The following CACNA1C variants were observed in gnomAD, a reference collection of about 807,000 sequenced individuals.
CACNA1C encodes the protein voltage-dependent L-type calcium channel subunit alpha-1C.
In CACNA1C, 30 loss-of-function variants were observed where a neutral mutation model predicts 229.0. The observed-to-expected ratio is 0.13, with a 90% confidence interval of 0.10 to 0.18. The LOEUF (loss-of-function observed/expected upper bound fraction) is 0.18, where lower values mean the gene tolerates loss of function less well. Among genes scored for constraint, CACNA1C ranks in the 10% least tolerant of loss-of-function variants. The pLI is 1.00. For missense variants in CACNA1C, 1,658 were observed against 2,845.0 expected (o/e 0.58, Z 9.49); for synonymous variants, 1,114 against 1,132.5 (o/e 0.98, Z 0.33).
chr12:2,083,833 TA>T (rs1417643788), intron 1 of CACNA1C, among the ~76,000 whole-genome samples: 1 of 152,214 alleles, frequency 6.6e-6, no homozygotes, highest in Non-Finnish European at 1.5e-5. Flanking sequence ...CTTTATATAT[TA>T]AATGCATGTA....
intron 13 of CACNA1C, among the ~76,000 whole-genome samples, chr12:2,580,324 C>T (rs2060052357): frequency 1.3e-5 from 2 of 152,188 alleles, no homozygotes; most frequent in African/African-American, 4.8e-5. Flanking sequence ...AAACTATGAC[C>T]CCTCTGCTTC....
intron 5 of CACNA1C, among the ~76,000 whole-genome samples, chr12:2,464,387 T>C (rs2099536017): frequency 6.6e-6 from 1 of 152,194 alleles, no homozygotes; most frequent in African/African-American, 2.4e-5. Flanking sequence ...AGTCCAGACT[T>C]GATAAGAGAA....
chr12:2,506,235 T>G (rs572037879), intron 8 of CACNA1C, among the ~76,000 whole-genome samples: 29 of 152,314 alleles, frequency 1.9e-4, no homozygotes, highest in South Asian at 1.2e-3. Flanking sequence ...CCTGATTCAT[T>G]GCCTGGAAGG....
intron 1 of CACNA1C, among the ~76,000 whole-genome samples, chr12:2,061,698 C>T (rs2057572659): frequency 6.6e-6 from 1 of 152,182 alleles, no homozygotes; most frequent in East Asian, 1.9e-4. Flanking sequence ...CCACGCTGGC[C>T]TGAAGTCCTT....
At chr12:2,412,264 A>C (rs1021990246) in intron 3 of CACNA1C, among the ~76,000 whole-genome samples, 4 of 152,186 alleles carry the variant, frequency 2.6e-5, no homozygotes, top group Non-Finnish European at 5.9e-5. Flanking sequence ...TCCACAGCAC[A>C]CACCGGAGAG....
At chr12:2,676,824 T>C in intron 39 of CACNA1C, 1 of 260,912 alleles carries the variant, frequency 3.8e-6, no homozygotes, top group Non-Finnish European at 7.4e-6. Flanking sequence ...CATAACTAAT[T>C]TGCACTAAGA....
chr12:2,050,693 C>T (rs2051989144), upstream of CACNA1C, among the ~76,000 whole-genome samples: 1 of 152,162 alleles, frequency 6.6e-6, no homozygotes, highest in Non-Finnish European at 1.5e-5. Context: ...TCTCTTGTAA[C>T]CAACAAAATT....
At position 2,597,841 on chromosome 12, in the gene CACNA1C, G is replaced by A. The variant is rs944156715; in HGVS notation, c.2853+552G>A. Among the ~76,000 whole-genome samples, 4 of 152,180 alleles carry A rather than the reference G, an allele frequency of 2.6e-5. No individual in the cohort carries two copies. Among genetic ancestry groups the A allele is most frequent in the South Asian group, 2.1e-4 (1 of 4,826 alleles). On this transcript the variant is annotated intron_variant, in intron 21 of 46. Transcript: ENST00000399655. This position sits in a 1 kb window ranked among gnomAD's most constrained non-coding sequence, Gnocchi z 4.3. ...ATACATGCCCACATGCACCAGCTCC[G>A]GTTAACTGATACCTGAGCCCACGTA... is the stretch of plus-strand genomic sequence containing the variant.
At position 2,403,348 on chromosome 12, in the gene CACNA1C, C is replaced by G. The variant is rs2098700678; in HGVS notation, c.478-45628C>G. On this transcript the variant is annotated intron_variant, in intron 3 of 46. Coordinates refer to ENST00000399655, the MANE Select transcript of CACNA1C (RefSeq NM_000719.7). This position sits in a 1 kb window ranked among gnomAD's most constrained non-coding sequence, Gnocchi z 4.1. The stretch of plus-strand genomic sequence containing the variant: ...GGACGAGTGACTTCCCCTCTTGTGT[C>G]AAGGTGCGCTGCAGAGGGATGGCGT... 6.6e-6 allele frequency among the ~76,000 whole-genome samples: 1 copy of G among 152,058 alleles called. No individual in the cohort carries two copies. The highest frequency in any genetic ancestry group is 6.5e-5 in the Admixed American group (1 of 15,278).
At chr12:2,174,956 T>C (rs1266298543) in intron 3 of CACNA1C, among the ~76,000 whole-genome samples, 1 of 151,880 alleles carries the variant, frequency 6.6e-6, no homozygotes, top group Non-Finnish European at 1.5e-5. Flanking sequence ...GGAAGAGAAG[T>C]AGGAAGAGGA....
At chr12:2,124,363 C>T (rs1419347037) in intron 3 of CACNA1C, among the ~76,000 whole-genome samples, 3 of 151,960 alleles carry the variant, frequency 2.0e-5, no homozygotes, top group Non-Finnish European at 4.4e-5. Context: ...AAGAGGATGC[C>T]ATAAGAGATA....
In CACNA1C at chr12:2,132,095, GCTCT is replaced by G. The variant is rs1175635133; in HGVS notation, c.477+11668_477+11671del. On this transcript the variant is annotated intron_variant, in intron 3 of 46. Transcript: ENST00000399655. Reference sequence around the variant, plus strand: ...TGAATGGGAGTTCACTTATGATTTGGCTCTCTGTTTGTCTGTTGTTGGTGTATAA... The same window carrying G: ...TGAATGGGAGTTCACTTATGATTTGGCTGTTTGTCTGTTGTTGGTGTATAA... Among the ~76,000 whole-genome samples, 4 of 137,596 alleles carry G rather than the reference GCTCT, an allele frequency of 2.9e-5. 1 individual carries two copies. The highest frequency in any genetic ancestry group is 6.2e-5 in the Non-Finnish European group (4 of 64,226). 90.3% of individuals were successfully genotyped at this position (137,596 alleles called of 152,430 possible).
At chr12:2,044,175 G>A (rs560097591) in intron 1 of CACNA1C, among the ~76,000 whole-genome samples, 2 of 152,168 alleles carry the variant, frequency 1.3e-5, no homozygotes, top group Non-Finnish European at 2.9e-5. Context: ...TGTAAACCTT[G>A]GGAGATTGAA....
Position 2,275,177 on chromosome 12 carries a change from G to A in CACNA1C, c.477+154747G>A, listed in dbSNP as rs2087178823. Among the ~76,000 whole-genome samples, 1 of 152,200 alleles carries A rather than the reference G, an allele frequency of 6.6e-6. No homozygotes were observed. The highest frequency in any genetic ancestry group is 1.5e-5 in the Non-Finnish European group (1 of 68,044). Reference sequence around the variant, plus strand: ...CTGCTTGAAAATTAGTTGTGGCAGTGTGTTTGGTGTGTAATCATTGTCCTG... The same window carrying A: ...CTGCTTGAAAATTAGTTGTGGCAGTATGTTTGGTGTGTAATCATTGTCCTG... On this transcript the variant is annotated intron_variant, in intron 3 of 46. Coordinates refer to ENST00000399655, the MANE Select transcript of CACNA1C (RefSeq NM_000719.7). The surrounding 1 kb of genome is among the most constrained non-coding windows in gnomAD (Gnocchi z 4.1).
At chr12:2,463,111 C>G (rs1027357407) in intron 5 of CACNA1C, among the ~76,000 whole-genome samples, 4 of 152,000 alleles carry the variant, frequency 2.6e-5, no homozygotes, top group African/African-American at 7.3e-5. Flanking sequence ...CGGGTTTCAC[C>G]GGTTAGCCAG....
At chr12:2,492,906 G>T (rs1420793691) in intron 6 of CACNA1C, among the ~76,000 whole-genome samples, 1 of 152,134 alleles carries the variant, frequency 6.6e-6, no homozygotes, top group Non-Finnish European at 1.5e-5. Context: ...CAGCAGAATG[G>T]GCAATAGAAA....
intron 3 of CACNA1C, among the ~76,000 whole-genome samples, chr12:2,159,154 GATTTTTTT>G (rs1286394264): frequency 6.6e-6 from 1 of 152,062 alleles, no homozygotes; most frequent in African/African-American, 2.4e-5. Flanking sequence ...GAGAACTGTG[GATTTTTTT>G]TCTTCAATGA....
intron 30 of CACNA1C, among the ~76,000 whole-genome samples, chr12:2,641,061 CAAG>C (rs1318248990): frequency 6.6e-6 from 1 of 152,170 alleles, no homozygotes; most frequent in Non-Finnish European, 1.5e-5. Context: ...AGAATGGGCA[CAAG>C]AAAGGCAAGG....
chr12:2,170,461 A>G (rs2096431929), intron 3 of CACNA1C, among the ~76,000 whole-genome samples: 1 of 152,260 alleles, frequency 6.6e-6, no homozygotes, highest in Admixed American at 6.5e-5. Context: ...TGACTGAGCC[A>G]AGTTTGACTG....
Sources: allele counts gnomAD v4.1 joint callset (sites outside exome capture counted in the v4.1 genomes callset), GRCh38; gene constraint gnomAD v4.1.1; non-coding constraint Gnocchi (gnomAD v3.1); transcripts MANE v1.5; gene names NCBI Gene and HGNC (gene_info 2026-07-23, HGNC 2026-07-21).